The following MKLN1 variants were observed in gnomAD, a reference collection of about 807,000 sequenced individuals.
MKLN1 encodes the protein muskelin 1, also known as muskelin.
MKLN1 carries 18 observed loss-of-function variants against 99.0 expected under a neutral mutation model. The observed-to-expected ratio is 0.18, with a 90% CI of 0.13 to 0.27. The LOEUF is 0.27. Among genes scored for constraint, MKLN1 ranks in the 10% least tolerant of loss-of-function variants. The pLI is 1.00. For missense variants in MKLN1, 621 were observed against 875.9 expected (o/e 0.71, Z 3.67); for synonymous variants, 288 against 293.2 (o/e 0.98, Z 0.18).
At chr7:131,374,526 A>G (rs1490537943) in intron 1 of MKLN1, among the ~76,000 whole-genome samples, 5 of 152,142 alleles carry the variant, frequency 3.3e-5, no homozygotes, top group Non-Finnish European at 7.4e-5. Flanking sequence ...TGGCTCCCAC[A>G]TTTACCAGCC....
chr7:131,289,072 A>G (rs1584893213), intron 3 of MKLN1, among the ~76,000 whole-genome samples: 1 of 151,966 alleles, frequency 6.6e-6, no homozygotes, highest in East Asian at 1.9e-4. Context: ...CAATCCTTCC[A>G]CCTCAGCCTC....
chr7:131,386,225 G>A (rs539800905), intron 2 of MKLN1, among the ~76,000 whole-genome samples: 9 of 152,212 alleles, frequency 5.9e-5, no homozygotes, highest in African/African-American at 1.9e-4. Flanking sequence ...TGTTGGCCAG[G>A]CCGGTCTCAA....
intron 1 of MKLN1, among the ~76,000 whole-genome samples, chr7:131,359,564 CTA>C (rs1799969657): frequency 6.6e-6 from 1 of 152,074 alleles, no homozygotes; most frequent in Admixed American, 6.6e-5. Context: ...CTGAGTCTGT[CTA>C]TTACTGACAG....
intron 2 of MKLN1, among the ~76,000 whole-genome samples, chr7:131,173,034 AAT>A (rs1337106370): frequency 2.0e-5 from 3 of 152,200 alleles, no homozygotes; most frequent in Non-Finnish European, 2.9e-5. Flanking sequence ...TGCATTAGTG[AAT>A]ATGTGTTTTC....
intron 2 of MKLN1, among the ~76,000 whole-genome samples, chr7:131,194,003 G>GTTTT (rs71168387): frequency 7.8e-6 from 1 of 128,246 alleles, no homozygotes; most frequent in Non-Finnish European, 1.7e-5. Context: ...GCTTTGTTTT[G>GTTTT]TTTTTTTTTT....
intron 3 of MKLN1, among the ~76,000 whole-genome samples, chr7:131,316,683 C>T (rs1057021678): frequency 4.6e-5 from 7 of 152,000 alleles, no homozygotes; most frequent in Non-Finnish European, 8.8e-5. Flanking sequence ...ATGTTCTAAC[C>T]CAATGCAAGG....
intron 1 of MKLN1, among the ~76,000 whole-genome samples, chr7:131,131,855 C>T (rs1361330930): frequency 6.6e-6 from 1 of 152,208 alleles, no homozygotes; most frequent in African/African-American, 2.4e-5. Flanking sequence ...GAACTTACAT[C>T]AGGTATTATA....
At chr7:131,178,279 C>CTTTTTTTTTTTTTTT (rs35412933) in intron 2 of MKLN1, among the ~76,000 whole-genome samples, 1 of 72,558 alleles carries the variant, frequency 1.4e-5, no homozygotes, top group Non-Finnish European at 2.8e-5. Context: ...ACATGCCCGG[C>CTTTTTTTTTTTTTTT]TTTTTTTTTT....
At chr7:131,185,036 C>T (rs901311586) in intron 2 of MKLN1, among the ~76,000 whole-genome samples, 1 of 152,142 alleles carries the variant, frequency 6.6e-6, no homozygotes, top group Non-Finnish European at 1.5e-5. Context: ...TGCCCCTGAG[C>T]ATTGATGCAT....
At chr7:131,132,897 G>A (rs1408718424) in intron 1 of MKLN1, among the ~76,000 whole-genome samples, 1 of 121,720 alleles carries the variant, frequency 8.2e-6, no homozygotes, top group African/African-American at 3.2e-5. Context: ...CTGCACTCCA[G>A]CCTGGGTGAC....
chr7:131,455,342 G>T (rs1318109297), intron 12 of MKLN1, among the ~76,000 whole-genome samples: 1 of 152,092 alleles, frequency 6.6e-6, no homozygotes, highest in Non-Finnish European at 1.5e-5. Context: ...AAGGAAGGAA[G>T]AGAAAAGATG....
chr7:131,363,874 C>A (rs2116811230), intron 1 of MKLN1, among the ~76,000 whole-genome samples: 1 of 151,990 alleles, frequency 6.6e-6, no homozygotes, highest in South Asian at 2.1e-4. Context: ...TGCTGCTTGT[C>A]ATTTGAATGT....
At chr7:131,176,426 A>C (rs542071200) in intron 2 of MKLN1, among the ~76,000 whole-genome samples, 1 of 152,174 alleles carries the variant, frequency 6.6e-6, no homozygotes, top group Non-Finnish European at 1.5e-5. Flanking sequence ...TTACGTCTCA[A>C]ATGATCCTTG....
intron 2 of MKLN1, among the ~76,000 whole-genome samples, chr7:131,150,485 T>TCAAA (rs537251791): frequency 0.04 from 6,149 of 151,970 alleles, 148 homozygotes; most frequent in Middle Eastern, 0.068. Context: ...AGACCCTGTC[T>TCAAA]CAAACAAACA....
At chr7:131,199,220 A>G (rs1347032122) in intron 2 of MKLN1, among the ~76,000 whole-genome samples, 1 of 151,498 alleles carries the variant, frequency 6.6e-6, no homozygotes, top group Admixed American at 6.6e-5. Context: ...TATAAAATAA[A>G]ATAAAGATGT....
Position 131,470,410 on chromosome 7 carries a change from T to C in MKLN1, c.1929-432T>C, listed in dbSNP as rs113083508. Among the ~76,000 whole-genome samples, 536 of 152,364 alleles carry C rather than the reference T, an allele frequency of 3.5e-3. 2 individuals are homozygous for C. The highest frequency in any genetic ancestry group is 0.012 in the African/African-American group (510 of 41,582). ...TGCTTATTTCAGTTTCCAAGGTATCTGTTAAGCATCTCCATTAGAAAATAC... is the reference window on the plus strand; with the variant it reads ...TGCTTATTTCAGTTTCCAAGGTATCCGTTAAGCATCTCCATTAGAAAATAC... On this transcript the variant is annotated intron_variant, in intron 15 of 17. Transcript: ENST00000352689.
At chr7:131,263,346 TTAATAATAA>T (rs79364750) in intron 3 of MKLN1, among the ~76,000 whole-genome samples, 1 of 128,134 alleles carries the variant, frequency 7.8e-6, no homozygotes, top group Non-Finnish European at 1.7e-5. Context: ...TCTACAATTA[TTAATAATAA>T]TAATAATAAT....
chr7:131,460,022 G>A (rs1796469048), intron 12 of MKLN1, among the ~76,000 whole-genome samples: 1 of 151,980 alleles, frequency 6.6e-6, no homozygotes, highest in Admixed American at 6.6e-5. Context: ...TTCTAACTAT[G>A]TCTGTAGTTT....
chr7:131,220,973 T>C (rs1797051550), intron 3 of MKLN1, among the ~76,000 whole-genome samples: 1 of 152,220 alleles, frequency 6.6e-6, no homozygotes, highest in Non-Finnish European at 1.5e-5. Flanking sequence ...GAACCTGGCA[T>C]GCAATTCTTG....
Sources: gnomAD v4.1 joint callset for allele counts (sites outside exome capture counted in the v4.1 genomes callset) on GRCh38, gnomAD v4.1.1 for gene constraint, MANE v1.5 for transcripts, NCBI Gene and HGNC (gene_info 2026-07-23, HGNC 2026-07-21) for gene names.